DGKB: variants seen among roughly 807,000 people sequenced by gnomAD.
The protein encoded by DGKB is diacylglycerol kinase beta.
In DGKB, 67 loss-of-function variants were observed where a neutral mutation model predicts 114.3. The observed-to-expected ratio is 0.59, with a 90% CI of 0.48 to 0.72. The LOEUF is 0.72. Ranked by LOEUF, DGKB falls within the 30% of genes least tolerant of loss-of-function variation. DGKB has a pLI of 0.00. For missense variants in DGKB, 907 were observed against 975.2 expected (o/e 0.93, Z 0.93); for synonymous variants, 398 against 323.1 (o/e 1.23, Z -2.49).
At chr7:14,278,648 A>G (rs1799391405) in intron 23 of DGKB, among the ~76,000 whole-genome samples, 1 of 152,294 alleles carries the variant, frequency 6.6e-6, no homozygotes, top group Non-Finnish European at 1.5e-5. Context: ...GATTGCATCA[A>G]ACTAAAAATG....
Position 14,442,752 on chromosome 7 carries a change from C to T in DGKB, c.1835+35409G>A, listed in dbSNP as rs556122250. Among the ~76,000 whole-genome samples the T allele has an allele frequency of 4.6e-5, 7 of 152,128 alleles. No homozygotes were observed. In the East Asian group the frequency reaches 9.7e-4, roughly 21 times the overall value. On this transcript the variant is annotated intron_variant, in intron 21 of 25. Transcript: ENST00000402815. ...TTTGGGATAAGATCATGCTATGGTG[C>T]CCAGGCTGGACTCAAACTCCCTGGC...
intron 5 of DGKB, among the ~76,000 whole-genome samples, chr7:14,725,277 ATT>A (rs1406918648): frequency 1.3e-5 from 2 of 152,244 alleles, no homozygotes; most frequent in Non-Finnish European, 2.9e-5. Context: ...ATGAATTTAA[ATT>A]TAAATAGCAG....
intron 20 of DGKB, among the ~76,000 whole-genome samples, chr7:14,508,407 C>T (rs1042428947): frequency 5.9e-5 from 9 of 152,168 alleles, no homozygotes; most frequent in Admixed American, 4.6e-4. Flanking sequence ...TTAAATAACC[C>T]ATTTTCTGCT....
chr7:14,881,421 C>A (rs1428873042), intron 1 of DGKB, among the ~76,000 whole-genome samples: 1 of 152,122 alleles, frequency 6.6e-6, no homozygotes, highest in Non-Finnish European at 1.5e-5. Context: ...CTCAACAAGT[C>A]ATTTGCTTTT....
intron 23 of DGKB, among the ~76,000 whole-genome samples, chr7:14,269,567 C>T (rs867392282): frequency 6.6e-6 from 1 of 152,152 alleles, no homozygotes; most frequent in Non-Finnish European, 1.5e-5. Flanking sequence ...CCTGACTCCA[C>T]CTCTGAGTCT....
intron 20 of DGKB, among the ~76,000 whole-genome samples, chr7:14,537,048 GA>G (rs1399666103): frequency 6.6e-6 from 1 of 151,870 alleles, no homozygotes; most frequent in Non-Finnish European, 1.5e-5. Flanking sequence ...AATGAAATCA[GA>G]AATACCGTCC....
At chr7:14,831,443 G>A (rs1846399732) in intron 2 of DGKB, among the ~76,000 whole-genome samples, 1 of 152,030 alleles carries the variant, frequency 6.6e-6, no homozygotes, top group Non-Finnish European at 1.5e-5. Context: ...GGGAGACAGA[G>A]ATTATAACTC....
chr7:14,212,510 C>T (rs1788281351), intron 23 of DGKB, among the ~76,000 whole-genome samples: 1 of 152,052 alleles, frequency 6.6e-6, no homozygotes, highest in Non-Finnish European at 1.5e-5. Flanking sequence ...CCACCATATT[C>T]AACAATTCAA....
intron 18 of DGKB, among the ~76,000 whole-genome samples, chr7:14,582,551 A>G (rs1000810720): frequency 5.3e-5 from 8 of 152,168 alleles, no homozygotes; most frequent in African/African-American, 1.7e-4. Flanking sequence ...TGGGATTATT[A>G]ATACTATCTG....
At chr7:14,500,885 T>C (rs1584415657) in intron 20 of DGKB, among the ~76,000 whole-genome samples, 1 of 151,884 alleles carries the variant, frequency 6.6e-6, no homozygotes, top group African/African-American at 2.4e-5. Flanking sequence ...ATAAAAGATA[T>C]CTATAAATAT....
intron 25 of DGKB, among the ~76,000 whole-genome samples, chr7:14,174,194 A>AGGAGCAGAGATGAAGCGTGCAGATGCT (rs1781400016): frequency 3.9e-5 from 6 of 152,184 alleles, no homozygotes; most frequent in South Asian, 4.1e-4. Flanking sequence ...CTTCACAGTA[A>AGGAGCAGAGATGAAGCGTGCAGATGCT]GGAGCAGAGA....
chr7:14,617,994 G>C (rs1311875941), intron 15 of DGKB, among the ~76,000 whole-genome samples: 1 of 151,364 alleles, frequency 6.6e-6, no homozygotes, highest in East Asian at 1.9e-4. Context: ...TCAGTTTAAA[G>C]GTTGCTATAA....
chr7:14,955,377 T>C (rs955194232), intron 1 of DGKB, among the ~76,000 whole-genome samples: 12 of 152,086 alleles, frequency 7.9e-5, no homozygotes, highest in Non-Finnish European at 1.6e-4. Context: ...GGGATTCCTC[T>C]CTTTTTTCTC....
At chr7:14,162,497 A>C (rs1784053315) in intron 25 of DGKB, among the ~76,000 whole-genome samples, 1 of 152,166 alleles carries the variant, frequency 6.6e-6, no homozygotes, top group South Asian at 2.1e-4. Flanking sequence ...CATATTTCTC[A>C]TTTAATTTTT....
At chr7:14,638,263 G>A (rs1178691313) in intron 13 of DGKB, among the ~76,000 whole-genome samples, 7 of 152,056 alleles carry the variant, frequency 4.6e-5, no homozygotes, top group Non-Finnish European at 8.8e-5. Flanking sequence ...ATAAGAAGCT[G>A]CAAGAGCCAT....
At chr7:14,940,660 T>A in intron 1 of DGKB, among the ~76,000 whole-genome samples, 1 of 152,136 alleles carries the variant, frequency 6.6e-6, no homozygotes, top group East Asian at 1.9e-4. Flanking sequence ...TTGGAAAGAC[T>A]ATATACTCAG....
At chr7:14,798,618 CA>C (rs1841737303) in intron 2 of DGKB, among the ~76,000 whole-genome samples, 1 of 152,092 alleles carries the variant, frequency 6.6e-6, no homozygotes, top group Non-Finnish European at 1.5e-5. Context: ...AGAAAATAAT[CA>C]GACTTTTGGG....
At chr7:14,457,853 T>G (rs1563224080) in intron 21 of DGKB, among the ~76,000 whole-genome samples, 1 of 152,230 alleles carries the variant, frequency 6.6e-6, no homozygotes, top group Non-Finnish European at 1.5e-5. Flanking sequence ...TTAAAAGAAT[T>G]GTATACATCT....
Position 14,729,126 on chromosome 7 carries a change from T to TA in DGKB, c.322+6914_322+6915insT, listed in dbSNP as rs200033811. 8.4e-5 allele frequency among the ~76,000 whole-genome samples: 12 copies of TA among 142,174 alleles called. No individual in the cohort carries two copies. The East Asian group carries it at 2.0e-3, about 23-fold the overall frequency. 93.3% of individuals were successfully genotyped at this position (142,174 alleles called of 152,430 possible). On this transcript the variant is annotated intron_variant, in intron 5 of 25. Transcript: ENST00000402815. ...GGAAACGGGTTTCATTTTCTTTCTT[T>TA]TTTTTTTTTTTTTTTTGATGGAGTC...
Sources: allele counts gnomAD v4.1 joint callset (sites outside exome capture counted in the v4.1 genomes callset), GRCh38; gene constraint gnomAD v4.1.1; transcripts MANE v1.5; gene names NCBI Gene and HGNC (gene_info 2026-07-23, HGNC 2026-07-21).